STK3: variants seen among roughly 807,000 people sequenced by gnomAD.
STK3 encodes the protein serine/threonine kinase 3, also known as serine/threonine-protein kinase 3.
A neutral mutation model predicts 58.0 loss-of-function variants in STK3; 41 were observed. That is an observed-to-expected ratio of 0.71 (90% CI 0.55 to 0.92). STK3 has a LOEUF of 0.92. STK3 is among the 40% of genes least tolerant of loss of function. The pLI is 0.00. For synonymous variants in STK3, 170 were observed against 191.0 expected, an observed-to-expected ratio of 0.89 and a Z score of 0.91; for missense variants, 479 against 602.7, an observed-to-expected ratio of 0.79 and a Z score of 2.15.
chr8:98,455,966 C>CTGA lies in STK3; in HGVS notation c.1351_1352insTCA (p.Met450_Arg451insLeu). On this transcript the variant is annotated inframe_insertion, in exon 11 of 11. Coordinates refer to ENST00000419617, the MANE Select transcript of STK3 (RefSeq NM_006281.4). ...CATCATGGGGTCCAGTGCTTTTAAC[C>CTGA]GCATCTGTAGTTCTTCTAAACTTAG... 6.2e-7 allele frequency: 1 copy of CTGA among 1,612,124 alleles called. No individual in the cohort carries two copies.
intron 4 of STK3, among the ~76,000 whole-genome samples, chr8:98,710,678 G>C (rs1464112518): frequency 6.6e-6 from 1 of 152,246 alleles, no homozygotes; most frequent in Non-Finnish European, 1.5e-5. Context: ...CACAGCTCAA[G>C]GAGGCTGGCC....
chr8:98,410,885 A>C (rs1818046008), intron 3 of STK3, among the ~76,000 whole-genome samples: 1 of 152,224 alleles, frequency 6.6e-6, no homozygotes, highest in South Asian at 2.1e-4. Context: ...CCCTCAGATC[A>C]ATAGGAGTTT....
intron 6 of STK3, among the ~76,000 whole-genome samples, chr8:98,659,580 G>A (rs1363078209): frequency 1.3e-5 from 2 of 151,622 alleles, no homozygotes; most frequent in Non-Finnish European, 2.9e-5. Context: ...CAAGCCTTGA[G>A]GCAGCATTAG....
chr8:98,939,873 G>A (rs1050579156), intron 1 of STK3, among the ~76,000 whole-genome samples: 1 of 152,214 alleles, frequency 6.6e-6, no homozygotes, highest in African/African-American at 2.4e-5. Context: ...CCGGTGCGGA[G>A]AGCCCCCCTC....
chr8:98,846,657 C>G (rs1430125214), intron 3 of STK3, among the ~76,000 whole-genome samples: 1 of 152,026 alleles, frequency 6.6e-6, no homozygotes, highest in Non-Finnish European at 1.5e-5. Flanking sequence ...GGTTTTTCCT[C>G]CCCCAAAGCC....
chr8:98,912,415 A>AC (rs1034534412), intron 1 of STK3, among the ~76,000 whole-genome samples: 8 of 152,138 alleles, frequency 5.3e-5, no homozygotes, highest in Admixed American at 4.6e-4. Flanking sequence ...CGAAAAAAAA[A>AC]AAACTTTATC....
chr8:98,652,041 A>G (rs1286689952), intron 6 of STK3, among the ~76,000 whole-genome samples: 2 of 152,158 alleles, frequency 1.3e-5, no homozygotes, highest in Admixed American at 6.5e-5. Flanking sequence ...CAGATTCACC[A>G]AAGTTGAAAT....
At chr8:98,774,670 T>C in intron 2 of STK3, 69 bp downstream of exon 2, 2 of 1,129,236 alleles carry the variant, frequency 1.8e-6, no homozygotes, top group Non-Finnish European at 2.5e-6. Flanking sequence ...AGTTGAAAGA[T>C]TAACATCATA....
intron 1 of STK3, among the ~76,000 whole-genome samples, chr8:98,933,057 A>G (rs1840060446): frequency 6.6e-6 from 1 of 152,342 alleles, no homozygotes; most frequent in Non-Finnish European, 1.5e-5. Flanking sequence ...ACTACATTCC[A>G]TGATCCTAAA....
chr8:98,663,766 C>T (rs1446554871), intron 6 of STK3, among the ~76,000 whole-genome samples: 1 of 152,044 alleles, frequency 6.6e-6, no homozygotes, highest in Admixed American at 6.6e-5. Flanking sequence ...CAAACTATTG[C>T]AAGAAGAAAA....
At chr8:98,720,258 T>C (rs1022750452) in intron 4 of STK3, among the ~76,000 whole-genome samples, 1 of 152,230 alleles carries the variant, frequency 6.6e-6, no homozygotes, top group Non-Finnish European at 1.5e-5. Context: ...ATGTGATTTC[T>C]CTACTTAAGT....
At chr8:98,710,217 T>C (rs757993068) in intron 4 of STK3, among the ~76,000 whole-genome samples, 13 of 152,086 alleles carry the variant, frequency 8.5e-5, no homozygotes, top group South Asian at 2.1e-4. Flanking sequence ...AGCGTGAGCA[T>C]TGCAGAAGAC....
chr8:98,509,178 T>C (rs1274154670), intron 10 of STK3, among the ~76,000 whole-genome samples: 1 of 152,014 alleles, frequency 6.6e-6, no homozygotes, highest in Non-Finnish European at 1.5e-5. Flanking sequence ...TTTCTTAACT[T>C]GGACAAAATA....
the STK3 span, among the ~76,000 whole-genome samples, chr8:98,364,700 G>C: frequency 6.6e-6 from 1 of 152,132 alleles, no homozygotes; most frequent in South Asian, 2.1e-4. Context: ...TGCCCTCCTA[G>C]GGAGAGAGGA....
intron 6 of STK3, chr8:98,602,195 G>A (rs1816403989): frequency 1.3e-5 from 2 of 152,194 alleles, no homozygotes; most frequent in Admixed American, 1.3e-4. Flanking sequence ...GCAAGACAGT[G>A]TCTTCTATTG....
At chr8:98,405,209 ATCCC>A (rs1817982573) in intron 3 of STK3, among the ~76,000 whole-genome samples, 1 of 152,212 alleles carries the variant, frequency 6.6e-6, no homozygotes, top group South Asian at 2.1e-4. Context: ...AAGTCTACTA[ATCCC>A]CATAACCTTA....
chr8:98,757,651 G>C (rs1563969333), intron 3 of STK3, among the ~76,000 whole-genome samples: 1 of 147,762 alleles, frequency 6.8e-6, no homozygotes, highest in Non-Finnish European at 1.5e-5. Context: ...CAAGACCTGA[G>C]ACTTCTAAAC....
chr8:98,386,877 G>T (rs1037661252), intron 1 of STK3, among the ~76,000 whole-genome samples: 3 of 152,158 alleles, frequency 2.0e-5, no homozygotes, highest in Admixed American at 6.5e-5. Flanking sequence ...AGAATTGCAC[G>T]AACCCCGGAG....
Position 98,587,542 on chromosome 8 carries a change from A to T in STK3, c.823-7753T>A, listed in dbSNP as rs575907775. Among the ~76,000 whole-genome samples the T allele has an allele frequency of 2.7e-3, 411 of 151,984 alleles. 6 individuals carry two copies. The highest frequency in any genetic ancestry group is 9.5e-3 in the African/African-American group (393 of 41,410). On this transcript the variant is annotated intron_variant, in intron 7 of 10. Coordinates refer to ENST00000419617, the MANE Select transcript of STK3 (RefSeq NM_006281.4). ...AGTATGTGGTCAATTTTGGAATAGG[A>T]GTGGTGTGGTGCTGAAAAAAATGTA...
Sources: gnomAD v4.1 joint callset for allele counts (sites outside exome capture counted in the v4.1 genomes callset) on GRCh38, gnomAD v4.1.1 for gene constraint, MANE v1.5 for transcripts, NCBI Gene and HGNC (gene_info 2026-07-23, HGNC 2026-07-21) for gene names.